The following NPNT variants were observed in gnomAD, a reference collection of about 807,000 sequenced individuals.
The protein encoded by NPNT is preosteoblast EGF-like repeat protein with MAM domain.
NPNT carries 45 observed loss-of-function variants against 68.6 expected under a neutral mutation model. The observed-to-expected ratio is 0.66, with a 90% CI of 0.52 to 0.84. The LOEUF (loss-of-function observed/expected upper bound fraction) is 0.84, where lower values mean the gene tolerates loss of function less well. NPNT is among the 40% of genes least tolerant of loss of function. The probability of loss-of-function intolerance (pLI) is 0.00; values close to 1 mark genes in which losing one functional copy is unlikely to be tolerated. For missense variants in NPNT, 672 were observed against 714.8 expected (o/e 0.94, Z 0.68); for synonymous variants, 233 against 253.3 (o/e 0.92, Z 0.76).
chr4:105,966,714 G>C (rs1361206290), intron 10 of NPNT, among the ~76,000 whole-genome samples: 1 of 151,612 alleles, frequency 6.6e-6, no homozygotes, highest in Non-Finnish European at 1.5e-5. Context: ...AGCAGATATA[G>C]GGCCCTTTAA....
At chr4:105,926,093 C>G (rs1294556268) in intron 2 of NPNT, among the ~76,000 whole-genome samples, 2 of 152,244 alleles carry the variant, frequency 1.3e-5, no homozygotes, top group South Asian at 2.1e-4. Flanking sequence ...GTGAAATATT[C>G]TTCTCTTGGG....
At chr4:105,939,451 G>T (rs1234593251) in intron 5 of NPNT, among the ~76,000 whole-genome samples, 1 of 152,152 alleles carries the variant, frequency 6.6e-6, no homozygotes, top group Non-Finnish European at 1.5e-5. Flanking sequence ...GTAGGTGAGG[G>T]TGATTTGTTG....
intron 2 of NPNT, among the ~76,000 whole-genome samples, chr4:105,901,089 T>C (rs1382642828): frequency 6.6e-6 from 1 of 152,198 alleles, no homozygotes; most frequent in African/African-American, 2.4e-5. Flanking sequence ...CTCTGTAATT[T>C]TTTTGTCATT....
intron 3 of NPNT, 149 bp downstream of exon 3, chr4:105,927,577 AT>A: frequency 2.4e-6 from 1 of 416,438 alleles, no homozygotes; most frequent in Admixed American, 4.0e-5. Flanking sequence ...TATATTAATG[AT>A]AAATATTGTA....
intron 2 of NPNT, among the ~76,000 whole-genome samples, chr4:105,898,720 T>A (rs1726161541): frequency 6.6e-6 from 1 of 152,182 alleles, no homozygotes; most frequent in Non-Finnish European, 1.5e-5. Context: ...TGACCACAAA[T>A]GGATATTTTA....
At chr4:105,923,994 C>T (rs1185649182) in intron 2 of NPNT, among the ~76,000 whole-genome samples, 2 of 152,064 alleles carry the variant, frequency 1.3e-5, no homozygotes, top group Non-Finnish European at 2.9e-5. Context: ...ACTGTAGCCC[C>T]ACGAGAACAC....
chr4:105,953,155 G>A (rs1730960477), intron 8 of NPNT, among the ~76,000 whole-genome samples: 1 of 152,162 alleles, frequency 6.6e-6, no homozygotes, highest in Non-Finnish European at 1.5e-5. Flanking sequence ...GACACAGCAA[G>A]ACTCTGTCTC....
chr4:105,942,537 C>A lies in NPNT; in HGVS notation c.994C>A (p.Pro332Thr). 1 of 1,614,004 alleles carries A rather than the reference C, an allele frequency of 6.2e-7. No individual in the cohort carries two copies. The highest frequency in any genetic ancestry group is 8.5e-7 in the Non-Finnish European group (1 of 1,180,000). The change falls in exon 8 of 12, where the codon CCA (proline) becomes ACA (threonine). Residue 332 changes from proline to threonine, a missense_variant. Transcript: ENST00000379987. ...ACCAATTCCTACTCCACCACCACCA[C>A]CACCCCTGCCAACAGAGCTCAGAAC... ...PTPIPTPPPP[P>T]PLPTELRTPL...
rs72958808 is a variant in NPNT, at chr4:105,971,180, C to T, written c.*2190C>T. 5,294 of 455,536 alleles carry T rather than the reference C, an allele frequency of 0.012. 229 individuals carry two copies. The highest frequency in any genetic ancestry group is 0.096 in the African/African-American group (4,783 of 50,030). 28.2% of individuals were successfully genotyped at this position (455,536 alleles called of 1,614,324 possible). A position where few individuals can be genotyped will look rare whatever the true frequency, so the allele number is the denominator to read the frequency against. ...TGCATTCTCTCTGCTTCGTGTGTGACAAGTTATCTTGGCTGCTGAGAAAGA... is the reference window on the plus strand; with the variant it reads ...TGCATTCTCTCTGCTTCGTGTGTGATAAGTTATCTTGGCTGCTGAGAAAGA... On this transcript the variant is annotated 3_prime_UTR_variant, in exon 12 of 12. Coordinates refer to ENST00000379987, the MANE Select transcript of NPNT (RefSeq NM_001033047.3).
chr4:105,911,174 G>A (rs145777490), intron 2 of NPNT, among the ~76,000 whole-genome samples: 17 of 151,746 alleles, frequency 1.1e-4, no homozygotes, highest in Admixed American at 1.1e-3. Context: ...AAGATATGGT[G>A]AGTTCTTTTC....
intron 10 of NPNT, 27 bp downstream of exon 10, chr4:105,959,153 TG>T: frequency 7.0e-7 from 1 of 1,418,716 alleles, no homozygotes; most frequent in Non-Finnish European, 1.0e-6. Context: ...TAACTTTTTC[TG>T]GTACACATTT....
intron 2 of NPNT, among the ~76,000 whole-genome samples, chr4:105,921,025 TA>T (rs1176044572): frequency 2.0e-5 from 3 of 152,126 alleles, no homozygotes; most frequent in African/African-American, 7.2e-5. Context: ...AGCAACAGGG[TA>T]ATGAAATTAT....
At chr4:105,909,426 T>A (rs6533222) in intron 2 of NPNT, among the ~76,000 whole-genome samples, 151,763 of 152,352 alleles carry the variant, frequency 1, 75,588 homozygotes, top group Middle Eastern at 1. Context: ...GGCAAAAATG[T>A]TTTTTGAAAC....
chr4:105,898,935 G>C (rs1355922392), intron 2 of NPNT, among the ~76,000 whole-genome samples: 1 of 152,114 alleles, frequency 6.6e-6, no homozygotes, highest in Non-Finnish European at 1.5e-5. Flanking sequence ...ACTAAGTTGG[G>C]TTCTACATTG....
At chr4:105,931,762 C>T (rs534333655) in intron 3 of NPNT, among the ~76,000 whole-genome samples, 7 of 151,212 alleles carry the variant, frequency 4.6e-5, no homozygotes, top group Admixed American at 2.0e-4. Flanking sequence ...ATGGTGTGAA[C>T]GTGGGAGGCG....
intron 8 of NPNT, among the ~76,000 whole-genome samples, chr4:105,943,194 G>C (rs1328408941): frequency 2.0e-5 from 3 of 152,218 alleles, no homozygotes; most frequent in Non-Finnish European, 4.4e-5. Context: ...TAGTATGTTA[G>C]TGAAAGAGAT....
chr4:105,924,637 T>A (rs56402844), intron 2 of NPNT, among the ~76,000 whole-genome samples: 4,069 of 152,282 alleles, frequency 0.027, 71 homozygotes, highest in South Asian at 0.045. Context: ...TAGGGCACTC[T>A]GCTTGAGAAC....
At chr4:105,953,764 A>G (rs1731011112) in intron 8 of NPNT, among the ~76,000 whole-genome samples, 3 of 152,176 alleles carry the variant, frequency 2.0e-5, no homozygotes, top group Admixed American at 2.0e-4. Context: ...AATGAACTAA[A>G]CTCCTAAGCA....
At chr4:105,913,217 T>G (rs916098825) in intron 2 of NPNT, among the ~76,000 whole-genome samples, 1 of 152,120 alleles carries the variant, frequency 6.6e-6, no homozygotes, top group Non-Finnish European at 1.5e-5. Flanking sequence ...TCATGAAAAA[T>G]GTTTTTAAGG....
Sources: gnomAD v4.1 joint callset for allele counts (sites outside exome capture counted in the v4.1 genomes callset) on GRCh38, gnomAD v4.1.1 for gene constraint, MANE v1.5 for transcripts, NCBI Gene and HGNC (gene_info 2026-07-23, HGNC 2026-07-21) for gene names.